Variants in CSMD3 observed in about 807,000 individuals in gnomAD.
The protein encoded by CSMD3 is CUB and Sushi multiple domains 3.
A neutral mutation model predicts 435.2 loss-of-function variants in CSMD3; 177 were observed. The observed-to-expected ratio is 0.41, with a 90% CI of 0.36 to 0.46. The LOEUF is 0.46. Among genes scored for constraint, CSMD3 ranks in the 20% least tolerant of loss-of-function variants. CSMD3 has a pLI of 0.34. For synonymous variants in CSMD3, 1,656 were observed against 1,520.5 expected (o/e 1.09, Z -2.07); for missense variants, 4,265 against 4,504.6 (o/e 0.95, Z 1.52).
At chr8:112,698,461 T>TG (rs35132938) in intron 13 of CSMD3, among the ~76,000 whole-genome samples, 57,415 of 151,712 alleles carry the variant, frequency 0.38, 12,195 homozygotes, top group African/African-American at 0.58. Context: ...AGTACCCAGA[T>TG]TTGGTTTCTA....
At chr8:113,050,990 G>A (rs542931332) in intron 5 of CSMD3, among the ~76,000 whole-genome samples, 84 of 152,174 alleles carry the variant, frequency 5.5e-4, no homozygotes, top group African/African-American at 1.9e-3. Context: ...TGGGAGAAGG[G>A]AAGTGAGAAA....
At chr8:112,315,752 G>T (rs917808571) in intron 47 of CSMD3, among the ~76,000 whole-genome samples, 4 of 151,788 alleles carry the variant, frequency 2.6e-5, no homozygotes, top group African/African-American at 7.2e-5. Flanking sequence ...TAATTTTGAT[G>T]ATTTGGTTAA....
intron 18 of CSMD3, among the ~76,000 whole-genome samples, chr8:112,655,582 G>T (rs1468954066): frequency 6.6e-6 from 1 of 151,420 alleles, no homozygotes; most frequent in Non-Finnish European, 1.5e-5. Context: ...ATTTAATAGG[G>T]GTTATAATGA....
Position 113,339,523 on chromosome 8 carries a change from A to G in CSMD3, c.179-24730T>C, listed in dbSNP as rs368501604. Among the ~76,000 whole-genome samples the G allele has an allele frequency of 9.9e-5, 15 of 152,152 alleles. No individual in the cohort carries two copies. The East Asian group carries it at 1.5e-3, about 16-fold the overall frequency. On this transcript the variant is annotated intron_variant, in intron 1 of 70. Coordinates refer to ENST00000297405, the MANE Select transcript of CSMD3 (RefSeq NM_198123.2). ...GAACATCATACAAACGTTTACTGCT[A>G]AAGTGTCTACCTCTCTTAGGAGAAA...
rs1822551163 is a variant in CSMD3 at position 112,506,628 on chromosome 8, G to A, written c.4895+63C>T. 5 of 1,526,328 alleles carry A rather than the reference G, an allele frequency of 3.3e-6. No homozygotes were observed. The East Asian group carries it at 1.1e-4, about 34-fold the overall frequency. The allele number at this position is 1,526,328 out of a possible 1,614,324, so 94.5% of individuals were successfully genotyped here. Reference sequence around the variant, plus strand: ...AAATAGGAATTAGTCTAGTACAAATGCTAAAGCAAAATGGCCTAACAATAT... The same window carrying A: ...AAATAGGAATTAGTCTAGTACAAATACTAAAGCAAAATGGCCTAACAATAT... On this transcript the variant is annotated intron_variant, in intron 29 of 70. Transcript: ENST00000297405.
intron 1 of CSMD3, among the ~76,000 whole-genome samples, chr8:113,430,792 T>C (rs541082419): frequency 4.4e-4 from 67 of 152,328 alleles, no homozygotes; most frequent in African/African-American, 1.5e-3. Context: ...ATAATACATA[T>C]GTTAATGTAA....
At chr8:113,116,853 C>T (rs2090846193) in intron 4 of CSMD3, among the ~76,000 whole-genome samples, 1 of 152,078 alleles carries the variant, frequency 6.6e-6, no homozygotes, top group Admixed American at 6.5e-5. Context: ...AAAGGTCACT[C>T]TTGCTATGCA....
intron 32 of CSMD3, among the ~76,000 whole-genome samples, chr8:112,433,162 A>G (rs1813897922): frequency 6.6e-6 from 1 of 152,134 alleles, no homozygotes; most frequent in African/African-American, 2.4e-5. Context: ...ATCATTGTTT[A>G]TTTAGAAATA....
At chr8:112,991,909 A>G (rs369444202) in intron 6 of CSMD3, among the ~76,000 whole-genome samples, 1 of 151,884 alleles carries the variant, frequency 6.6e-6, no homozygotes, top group East Asian at 1.9e-4. Context: ...GATGAGCTGT[A>G]TATCACATGA....
intron 10 of CSMD3, among the ~76,000 whole-genome samples, chr8:112,894,998 T>A (rs1307765055): frequency 6.6e-6 from 1 of 151,400 alleles, no homozygotes; most frequent in African/African-American, 2.4e-5. Flanking sequence ...GGCTCATGGA[T>A]GAGAGTTTGA....
At chr8:112,421,747 G>A (rs1045969623) in intron 32 of CSMD3, among the ~76,000 whole-genome samples, 1 of 149,048 alleles carries the variant, frequency 6.7e-6, no homozygotes, top group East Asian at 1.9e-4. Flanking sequence ...GAAAGTGAGA[G>A]AATTTGCTCC....
chr8:113,392,893 T>C (rs1004023745), intron 1 of CSMD3, among the ~76,000 whole-genome samples: 1 of 151,886 alleles, frequency 6.6e-6, no homozygotes, highest in African/African-American at 2.4e-5. Context: ...TGATGAGGAC[T>C]TTATACTCCT....
intron 13 of CSMD3, among the ~76,000 whole-genome samples, chr8:112,729,465 T>C (rs149810855): frequency 2.0e-4 from 31 of 152,108 alleles, no homozygotes; most frequent in African/African-American, 7.0e-4. Context: ...TATAAAATAA[T>C]AGCGTTAAAA....
intron 27 of CSMD3, chr8:112,539,433 A>T (rs936443011): frequency 2.0e-5 from 3 of 152,108 alleles, no homozygotes; most frequent in Non-Finnish European, 4.4e-5. Flanking sequence ...TTCCTATAGG[A>T]TCAGAAAAGA....
At chr8:112,410,672 A>T (rs1240732604) in intron 32 of CSMD3, among the ~76,000 whole-genome samples, 3 of 102,234 alleles carry the variant, frequency 2.9e-5, no homozygotes, top group Non-Finnish European at 2.2e-5. Context: ...GTATATATAT[A>T]TGTGTATATA....
intron 5 of CSMD3, among the ~76,000 whole-genome samples, chr8:113,089,270 G>A (rs775827152): frequency 4.6e-5 from 7 of 152,086 alleles, no homozygotes; most frequent in Non-Finnish European, 1.0e-4. Flanking sequence ...TGGAACAATG[G>A]AAGAATCTCA....
At chr8:112,938,809 C>T (rs936056777) in intron 9 of CSMD3, among the ~76,000 whole-genome samples, 2 of 151,938 alleles carry the variant, frequency 1.3e-5, no homozygotes, top group Admixed American at 6.6e-5. Flanking sequence ...TGCTAGAATG[C>T]AAATATATAA....
chr8:113,096,897 C>T (rs540155003), intron 5 of CSMD3, among the ~76,000 whole-genome samples: 17 of 152,224 alleles, frequency 1.1e-4, no homozygotes, highest in South Asian at 6.2e-4. Flanking sequence ...CTCATCAAAA[C>T]ATTCTTGCTC....
At chr8:112,851,696 G>C (rs185266722) in intron 11 of CSMD3, among the ~76,000 whole-genome samples, 1 of 151,556 alleles carries the variant, frequency 6.6e-6, no homozygotes, top group African/African-American at 2.4e-5. Flanking sequence ...CCTGGGAGGC[G>C]AAGGTTGCAG....
Sources: allele counts gnomAD v4.1 joint callset (sites outside exome capture counted in the v4.1 genomes callset), GRCh38; gene constraint gnomAD v4.1.1; transcripts MANE v1.5; gene names NCBI Gene and HGNC (gene_info 2026-07-23, HGNC 2026-07-21).